The following LUZP2 variants were observed in gnomAD, a reference collection of about 807,000 sequenced individuals.
LUZP2 encodes the protein leucine zipper protein 2.
Under a neutral mutation model 51.6 loss-of-function variants are expected in LUZP2, and 52 were observed. The ratio of observed to expected loss-of-function variants is 1.01; its 90% confidence interval spans 0.81 to 1.27. LUZP2 has a LOEUF of 1.27. Ranked by LOEUF, LUZP2 falls within the 50% of genes most tolerant of loss-of-function variation. The probability of loss-of-function intolerance (pLI) is 0.00; values close to 1 mark genes in which losing one functional copy is unlikely to be tolerated. For missense variants in LUZP2, 436 were observed against 395.4 expected, an observed-to-expected ratio of 1.10 and a Z score of -0.87; for synonymous variants, 154 against 137.3, an observed-to-expected ratio of 1.12 and a Z score of -0.85.
chr11:24,546,899 G>C lies in LUZP2; in HGVS notation c.62+49594G>C, dbSNP rs891962624. ...ATACAATTCAGCTGTGAATCTATCT[G>C]GTCCTGTTTTTTGTTTTGTTTTGTT... is the stretch of plus-strand genomic sequence containing the variant. On this transcript the variant is annotated intron_variant, in intron 1 of 11. Transcript: ENST00000336930. Among the ~76,000 whole-genome samples the C allele has an allele frequency of 4.6e-5, 7 of 151,640 alleles. No homozygotes were observed. In the South Asian group the frequency reaches 1.5e-3, roughly 32 times the overall value.
At chr11:24,926,379 G>GTATATATATACGTGTGTGTA (rs1854254509) in intron 7 of LUZP2, among the ~76,000 whole-genome samples, 1 of 8,024 alleles carries the variant, frequency 1.2e-4, no homozygotes, top group African/African-American at 3.0e-4. Flanking sequence ...ATATACGTGT[G>GTATATATATACGTGTGTGTA]TATATATATA....
At chr11:24,953,246 G>C (rs1180163623) in intron 7 of LUZP2, among the ~76,000 whole-genome samples, 2 of 151,828 alleles carry the variant, frequency 1.3e-5, no homozygotes, top group East Asian at 3.9e-4. Context: ...GCTGTACTTT[G>C]GCAGTGGCAA....
chr11:24,927,939 T>C (rs1212264783), intron 7 of LUZP2, among the ~76,000 whole-genome samples: 1 of 152,054 alleles, frequency 6.6e-6, no homozygotes, highest in Non-Finnish European at 1.5e-5. Context: ...GTTTTCCTTG[T>C]AGAGACCTTT....
intron 1 of LUZP2, 84 bp from the exon 2 acceptor site, chr11:24,729,085 A>G: frequency 1.7e-6 from 1 of 579,640 alleles, no homozygotes; most frequent in Non-Finnish European, 2.9e-6. Context: ...TCTAGATTTC[A>G]CTGAAACTGT....
intron 9 of LUZP2, among the ~76,000 whole-genome samples, chr11:25,007,889 G>T (rs1182376321): frequency 6.6e-6 from 1 of 152,182 alleles, no homozygotes; most frequent in Non-Finnish European, 1.5e-5. Flanking sequence ...ACATTGGTCA[G>T]AAATTACTAT....
chr11:24,567,068 C>G (rs747059274), intron 1 of LUZP2, among the ~76,000 whole-genome samples: 8 of 148,454 alleles, frequency 5.4e-5, no homozygotes, highest in Non-Finnish European at 1.2e-4. Flanking sequence ...GTCTTGATCT[C>G]TTGACCTTGT....
chr11:24,547,760 T>C (rs970347280), intron 1 of LUZP2, among the ~76,000 whole-genome samples: 3 of 152,008 alleles, frequency 2.0e-5, no homozygotes, highest in Admixed American at 2.0e-4. Context: ...AAAGAAACTA[T>C]CAACAGAGTA....
Position 24,791,061 on chromosome 11 carries a change from G to A in LUZP2, c.396+27753G>A, listed in dbSNP as rs570284341. On this transcript the variant is annotated intron_variant, in intron 5 of 11. Transcript: ENST00000336930. ...TACCTGTATGTTTAAATGGTATCTC[G>A]AACTAATGACATCCAACATCAGTGT... 2.6e-5 allele frequency among the ~76,000 whole-genome samples: 4 copies of A among 152,148 alleles called. No individual in the cohort carries two copies. In the South Asian group the frequency reaches 6.2e-4, roughly 24 times the overall value.
rs188708568 is a variant in LUZP2, at chr11:24,587,599, A to G, written c.62+90294A>G. Among the ~76,000 whole-genome samples the G allele has an allele frequency of 1.2e-3, 190 of 152,236 alleles. 1 individual carries two copies. The highest frequency in any genetic ancestry group is 4.4e-3 in the African/African-American group (182 of 41,552). ...CATGAAGCTAGCTGTGAAATACAAT[A>G]TGAAGGTTACTGGAAATTTTTTAGA... On this transcript the variant is annotated intron_variant, in intron 1 of 11. Transcript: ENST00000336930.
chr11:24,814,924 GGAGCTTGCAGTGAGCT>G (rs1284521285), intron 5 of LUZP2, among the ~76,000 whole-genome samples: 14 of 151,518 alleles, frequency 9.2e-5, no homozygotes, highest in Admixed American at 2.6e-4. Flanking sequence ...CCCGGGAGGT[GGAGCTTGCAGTGAGCT>G]GAGATCGCAC....
At chr11:24,905,278 C>A (rs889662433) in intron 5 of LUZP2, among the ~76,000 whole-genome samples, 183 of 152,134 alleles carry the variant, frequency 1.2e-3, no homozygotes, top group African/African-American at 4.2e-3. Context: ...GTAATCCCAG[C>A]ACTTTGTGAG....
intron 5 of LUZP2, among the ~76,000 whole-genome samples, chr11:24,856,319 A>C (rs1016649590): frequency 6.6e-6 from 1 of 152,142 alleles, no homozygotes; most frequent in East Asian, 1.9e-4. Context: ...AATGGACAAA[A>C]AGCATATGAA....
chr11:24,891,005 A>G, intron 5 of LUZP2: 1 of 978,900 alleles, frequency 1.0e-6, no homozygotes, highest in South Asian at 4.7e-5. Flanking sequence ...ACTGCTTTAC[A>G]TTATCACTCT....
At chr11:24,932,671 T>A (rs577467421) in intron 7 of LUZP2, among the ~76,000 whole-genome samples, 11 of 152,160 alleles carry the variant, frequency 7.2e-5, no homozygotes, top group Middle Eastern at 3.4e-3. Context: ...CATCATCAAA[T>A]TTATATCCAG....
chr11:25,023,723 G>A (rs956405712), intron 9 of LUZP2, among the ~76,000 whole-genome samples: 2 of 152,090 alleles, frequency 1.3e-5, no homozygotes, highest in African/African-American at 2.4e-5. Flanking sequence ...TAATTGTGAT[G>A]TTAGGGTGTC....
At position 25,078,721 on chromosome 11, in the gene LUZP2, A is replaced by G. The variant is rs16925348; in HGVS notation, c.*63A>G. ...TGTCTTCATATTCTTTTTAGACCAC[A>G]AGCTTGATGGAAATACTGTTTCTAA... On this transcript the variant is annotated 3_prime_UTR_variant, in exon 12 of 12. Transcript: ENST00000336930. 8,581 of 1,221,912 alleles carry G rather than the reference A, an allele frequency of 7.0e-3. 213 individuals are homozygous for G. The East Asian group carries it at 0.089, about 13-fold the overall frequency. 75.7% of individuals were successfully genotyped at this position (1,221,912 alleles called of 1,614,324 possible).
intron 7 of LUZP2, among the ~76,000 whole-genome samples, chr11:24,919,540 T>C (rs1446791844): frequency 1.4e-5 from 2 of 143,064 alleles, no homozygotes; most frequent in Non-Finnish European, 3.0e-5. Context: ...ATATACTGTA[T>C]ATGTATTCTT....
intron 1 of LUZP2, among the ~76,000 whole-genome samples, chr11:24,682,587 T>C (rs1414388366): frequency 1.0e-5 from 1 of 97,504 alleles, no homozygotes; most frequent in Non-Finnish European, 2.2e-5. Context: ...TATATATATA[T>C]GTGTGTGTGT....
chr11:24,627,079 G>C (rs1184692252), intron 1 of LUZP2, among the ~76,000 whole-genome samples: 1 of 152,076 alleles, frequency 6.6e-6, no homozygotes, highest in Non-Finnish European at 1.5e-5. Flanking sequence ...TGAGTAGAAA[G>C]ACAATAATAA....
Sources: allele counts gnomAD v4.1 joint callset (sites outside exome capture counted in the v4.1 genomes callset), GRCh38; gene constraint gnomAD v4.1.1; transcripts MANE v1.5; gene names NCBI Gene and HGNC (gene_info 2026-07-23, HGNC 2026-07-21).